ZNF101: variants seen among roughly 807,000 people sequenced by gnomAD.
The protein encoded by ZNF101 is zinc finger protein 101 (Y2).
Under a neutral mutation model 42.6 loss-of-function variants are expected in ZNF101, and 34 were observed. The ratio of observed to expected loss-of-function variants is 0.80; its 90% CI spans 0.61 to 1.06. ZNF101 has a LOEUF of 1.06. Ranked by LOEUF, ZNF101 falls within the 50% of genes least tolerant of loss-of-function variation. The probability of loss-of-function intolerance (pLI) is 0.00; values close to 1 mark genes in which losing one functional copy is unlikely to be tolerated. For synonymous variants in ZNF101, 158 were observed against 183.9 expected, an observed-to-expected ratio of 0.86 and a Z score of 1.14; for missense variants, 466 against 530.9, an observed-to-expected ratio of 0.88 and a Z score of 1.20.
intron 1 of ZNF101, chr19:19,672,170 A>G (rs952220836): frequency 2.7e-5 from 4 of 148,950 alleles, no homozygotes; most frequent in African/African-American, 4.9e-5. Flanking sequence ...GATTATATAT[A>G]TATTTATAAA....
At chr19:19,672,743 T>G (rs1044420770) in intron 1 of ZNF101, among the ~76,000 whole-genome samples, 12 of 151,964 alleles carry the variant, frequency 7.9e-5, no homozygotes, top group African/African-American at 2.9e-4. Flanking sequence ...GCTAGGCCAG[T>G]CTGAAACTCC....
chr19:19,679,070 AAAACCTCC>A, intron 3 of ZNF101, 103 bp from the exon 4 acceptor site: 1 of 1,485,410 alleles, frequency 6.7e-7, no homozygotes, highest in Non-Finnish European at 8.9e-7. Context: ...GACCCAGGAG[AAAACCTCC>A]ACTTTTCCTG....
At chr19:19,670,709 G>T (rs1410388518) in intron 1 of ZNF101, among the ~76,000 whole-genome samples, 2 of 151,876 alleles carry the variant, frequency 1.3e-5, no homozygotes, top group Non-Finnish European at 2.9e-5. Flanking sequence ...CGTTAGCTGT[G>T]ATTGCGCCAC....
chr19:19,679,777 T>C lies in ZNF101; in HGVS notation c.788T>C (p.Ile263Thr). 1 of 1,612,802 alleles carries C rather than the reference T, an allele frequency of 6.2e-7. No individual in the cohort carries two copies. The highest frequency in any genetic ancestry group is 8.5e-7 in the Non-Finnish European group (1 of 1,179,390). ...TGTAAACAATGTGGTAAAGCCTTCA[T>C]TTCCGCAGGTTACCTTCGGACACAT... ...YKCKQCGKAF[I>T]SAGYLRTHEI... is the part of the protein sequence containing the mutation. Residue 263 changes from isoleucine (I) to threonine (T), a missense_variant, in exon 4 of 4, where the codon ATT becomes ACT. Ile to Thr is a moderately conservative substitution (Grantham distance 89). Coordinates refer to ENST00000592502, the MANE Select transcript of ZNF101 (RefSeq NM_033204.4).
At chr19:19,671,591 C>T (rs906451097) in intron 1 of ZNF101, among the ~76,000 whole-genome samples, 8 of 151,804 alleles carry the variant, frequency 5.3e-5, no homozygotes, top group African/African-American at 1.7e-4. Context: ...GCTCCGCCTC[C>T]CGGGTTCACG....
At chr19:19,675,262 C>G (rs993542753) in intron 1 of ZNF101, among the ~76,000 whole-genome samples, 17 of 152,246 alleles carry the variant, frequency 1.1e-4, no homozygotes, top group African/African-American at 3.6e-4. Context: ...CTCTGCCTCC[C>G]AAGTAGCTGG....
rs2062212944 is a variant in ZNF101, at chr19:19,677,972, AG to A, written c.114del (p.Asn39ThrfsTer25). On this transcript the variant is annotated frameshift_variant, in exon 2 of 4. Coordinates refer to ENST00000592502, the MANE Select transcript of ZNF101 (RefSeq NM_033204.4). LOFTEE classifies it high-confidence loss of function. ...CAGAGATGTGACGCTGGAAACCTTCAGGAACCTGGCCTCGGTCGGTAAGAAG... is the reference window on the plus strand; with the variant it reads ...CAGAGATGTGACGCTGGAAACCTTCAGAACCTGGCCTCGGTCGGTAAGAAG... ...LYRDVTLETF[R>X]NLASVGIQWK... is the part of the protein sequence containing the mutation. 6.2e-7 allele frequency: 1 copy of A among 1,611,656 alleles called. No homozygotes were observed. The highest frequency in any genetic ancestry group is 1.3e-5 in the African/African-American group (1 of 74,872).
upstream of ZNF101, among the ~76,000 whole-genome samples, chr19:19,668,442 GAACA>G (rs557477659): frequency 1.6e-4 from 25 of 152,150 alleles, no homozygotes; most frequent in African/African-American, 5.3e-4. Context: ...GAAGTCTTTT[GAACA>G]AACAGTTACT....
rs1407993376 is a variant in ZNF101, at chr19:19,680,445, C to G, written c.*145C>G. On this transcript the variant is annotated 3_prime_UTR_variant, in exon 4 of 4. Transcript: ENST00000592502. ...TAGCCTGGCCAACATGGTGAAACCC[C>G]GTCTCTACTAAAAATACAAAAAAAT... 2.3e-6 allele frequency: 1 copy of G among 430,702 alleles called. No individual in the cohort carries two copies. The highest frequency in any genetic ancestry group is 2.0e-5 in the African/African-American group (1 of 49,294). The allele number at this position is 430,702 out of a possible 1,614,324, so 26.7% of individuals were successfully genotyped here. A position where few individuals can be genotyped will look rare whatever the true frequency, so the allele number is the denominator to read the frequency against.
rs974877605 is a variant in ZNF101, at chr19:19,679,949, A to C, written c.960A>C (p.Arg320Ser). 27 of 1,614,002 alleles carry C rather than the reference A, an allele frequency of 1.7e-5. No homozygotes were observed. Among genetic ancestry groups the C allele is most frequent in the Non-Finnish European group, 2.2e-5 (26 of 1,180,014 alleles). Reference sequence around the variant, plus strand: ...GTCAAAAATGTGCCAAAGTCTTTAGATGTCCCACGTCCCTTCAAGCACATG... The same window carrying C: ...GTCAAAAATGTGCCAAAGTCTTTAGCTGTCCCACGTCCCTTCAAGCACATG... ...YECQKCAKVF[R>S]CPTSLQAHER... The change falls in exon 4 of 4, where the codon AGA becomes AGC. Residue 320 changes from arginine to serine, a missense_variant. Physicochemically the swap from Arg to Ser is moderately radical, Grantham distance 110 (BLOSUM62 -1). Transcript: ENST00000592502.
intron 1 of ZNF101, among the ~76,000 whole-genome samples, chr19:19,670,894 AG>A (rs2145042916): frequency 6.6e-6 from 1 of 152,360 alleles, no homozygotes; most frequent in Admixed American, 6.5e-5. Context: ...TCACGAGGTC[AG>A]GAGATCGAGA....
chr19:19,677,634 A>G, intron 1 of ZNF101: 1 of 507,398 alleles, frequency 2.0e-6, no homozygotes, highest in Non-Finnish European at 3.3e-6. Context: ...GACTCCCTGG[A>G]CCCACCACAG....
chr19:19,670,586 A>G (rs1039578788), intron 1 of ZNF101, among the ~76,000 whole-genome samples: 1 of 151,800 alleles, frequency 6.6e-6, no homozygotes, highest in African/African-American at 2.4e-5. Context: ...GCGAGACCCC[A>G]TTTCTACAAC....
rs950113308 is a variant in ZNF101 at position 19,668,882 on chromosome 19, C to G, written c.-82C>G. 1.3e-6 allele frequency: 2 copies of G among 1,487,710 alleles called. No homozygotes were observed. Among genetic ancestry groups the G allele is most frequent in the African/African-American group, 1.4e-5 (1 of 70,754 alleles). 92.2% of individuals were successfully genotyped at this position (1,487,710 alleles called of 1,614,324 possible). On this transcript the variant is annotated 5_prime_UTR_variant, in exon 1 of 4. Transcript: ENST00000592502. The stretch of plus-strand genomic sequence containing the variant: ...GTTCCTCGGGGAGCCCCTGGTGCCC[C>G]GGATACGGCTGATTTTGTCGTGTGG...
intron 1 of ZNF101, chr19:19,676,362 C>T (rs1380996292): frequency 6.6e-6 from 1 of 152,022 alleles, no homozygotes; most frequent in African/African-American, 2.4e-5. Context: ...AAGTGGTCCA[C>T]CCTACTACTC....
At chr19:19,673,533 C>G (rs565592342) in intron 1 of ZNF101, among the ~76,000 whole-genome samples, 1 of 151,998 alleles carries the variant, frequency 6.6e-6, no homozygotes, top group African/African-American at 2.4e-5. Flanking sequence ...CAGGCATGAG[C>G]CACCGCACCT....
intron 1 of ZNF101, among the ~76,000 whole-genome samples, chr19:19,673,248 CTTTTT>C: frequency 8.6e-6 from 1 of 116,128 alleles, no homozygotes; most frequent in African/African-American, 3.3e-5. Context: ...AATGTGCTGG[CTTTTT>C]TTTTTTTTTT....
chr19:19,669,476 C>A (rs905044610), intron 1 of ZNF101, among the ~76,000 whole-genome samples: 1 of 152,206 alleles, frequency 6.6e-6, no homozygotes, highest in African/African-American at 2.4e-5. Context: ...ACATCCACTT[C>A]ACATTATTAT....
At chr19:19,674,427 C>T (rs965529542) in intron 1 of ZNF101, among the ~76,000 whole-genome samples, 2 of 152,126 alleles carry the variant, frequency 1.3e-5, no homozygotes, top group East Asian at 1.9e-4. Flanking sequence ...CTACTCGCCT[C>T]GACCTCCCGA....
Sources: allele counts gnomAD v4.1 joint callset (sites outside exome capture counted in the v4.1 genomes callset), GRCh38; gene constraint gnomAD v4.1.1; transcripts MANE v1.5; gene names NCBI Gene and HGNC (gene_info 2026-07-23, HGNC 2026-07-21).